The following RPA3 variants were observed in gnomAD, a reference collection of about 807,000 sequenced individuals.
RPA3 encodes replication protein A 14 kDa subunit.
In RPA3, 24 loss-of-function variants were observed where a neutral mutation model predicts 13.7. That is an observed-to-expected ratio of 1.75 (90% CI 1.27 to 2.46). The LOEUF (loss-of-function observed/expected upper bound fraction) is 2.46. Ranked by LOEUF, RPA3 falls within the 30% of genes most tolerant of loss-of-function variation. RPA3 has a pLI of 0.00. For missense variants in RPA3, 183 were observed against 151.0 expected, an observed-to-expected ratio of 1.21 and a Z score of -1.11; for synonymous variants, 59 against 51.2, an observed-to-expected ratio of 1.15 and a Z score of -0.65.
chr7:7,664,570 C>T (rs1329325141), intron 4 of RPA3, among the ~76,000 whole-genome samples: 1 of 152,184 alleles, frequency 6.6e-6, no homozygotes, highest in Non-Finnish European at 1.5e-5. Context: ...AATCTCTTTG[C>T]TTTCCTCTAT....
At chr7:7,670,353 C>G (rs1439651739) in intron 4 of RPA3, among the ~76,000 whole-genome samples, 1 of 151,962 alleles carries the variant, frequency 6.6e-6, no homozygotes, top group Non-Finnish European at 1.5e-5. Context: ...AAGGGTCTCT[C>G]TATATATACA....
Position 7,699,104 on chromosome 7 carries a change from C to T in RPA3, c.-1027-11776G>A, listed in dbSNP as rs1780393671. On this transcript the variant is annotated intron_variant, in intron 2 of 7. Transcript: ENST00000223129. Reference sequence around the variant, plus strand: ...GTTGCCCAGGCTGATCTTTGCCTGCCTTGGCTTCCAAAGTGCTAGCATTAT... The same window carrying T: ...GTTGCCCAGGCTGATCTTTGCCTGCTTTGGCTTCCAAAGTGCTAGCATTAT... 3.3e-5 allele frequency among the ~76,000 whole-genome samples: 5 copies of T among 151,776 alleles called. No homozygotes were observed. In the South Asian group the frequency reaches 1.0e-3, roughly 32 times the overall value.
chr7:7,643,310 G>C (rs752722449), intron 4 of RPA3, among the ~76,000 whole-genome samples: 5 of 152,182 alleles, frequency 3.3e-5, no homozygotes, highest in Non-Finnish European at 5.9e-5. Flanking sequence ...TCAGATGGGC[G>C]TGCATGTAAC....
At chr7:7,663,574 T>G (rs548526191) in intron 4 of RPA3, among the ~76,000 whole-genome samples, 2 of 152,206 alleles carry the variant, frequency 1.3e-5, no homozygotes, top group East Asian at 3.9e-4. Context: ...AAGGATAAAT[T>G]TTAAAAGAGG....
At chr7:7,652,206 C>T (rs1785238494) in intron 4 of RPA3, among the ~76,000 whole-genome samples, 1 of 152,172 alleles carries the variant, frequency 6.6e-6, no homozygotes, top group African/African-American at 2.4e-5. Context: ...TTTTACATTG[C>T]TCGTTTGCTC....
intron 4 of RPA3, among the ~76,000 whole-genome samples, chr7:7,654,736 C>G (rs182784616): frequency 1.1e-4 from 16 of 152,060 alleles, no homozygotes. Context: ...AACCCCATCT[C>G]TACTAAAAAA....
intron 2 of RPA3, among the ~76,000 whole-genome samples, chr7:7,695,542 T>C (rs945542888): frequency 2.0e-5 from 3 of 152,200 alleles, no homozygotes; most frequent in Non-Finnish European, 2.9e-5. Flanking sequence ...ATGTTTAGTC[T>C]CAGAGCAAGA....
intron 2 of RPA3, among the ~76,000 whole-genome samples, chr7:7,701,113 A>C (rs1411589317): frequency 6.6e-6 from 1 of 152,212 alleles, no homozygotes; most frequent in East Asian, 1.9e-4. Flanking sequence ...CATTTGGTTA[A>C]TATTCCAGTT....
intron 4 of RPA3, among the ~76,000 whole-genome samples, chr7:7,645,176 G>A (rs1785065630): frequency 6.6e-6 from 1 of 151,930 alleles, no homozygotes; most frequent in Non-Finnish European, 1.5e-5. Flanking sequence ...AATAATTATA[G>A]TTTTGTTTCT....
chr7:7,714,726 C>T (rs192529374), intron 2 of RPA3, among the ~76,000 whole-genome samples: 196 of 152,204 alleles, frequency 1.3e-3, no homozygotes, highest in African/African-American at 4.3e-3. Context: ...CAGCTGAAAA[C>T]CTTCCTGGGG....
intron 2 of RPA3, among the ~76,000 whole-genome samples, chr7:7,697,618 G>A (rs1200564928): frequency 6.6e-6 from 1 of 152,106 alleles, no homozygotes; most frequent in African/African-American, 2.4e-5. Flanking sequence ...TAACTTTAAA[G>A]ATATTTTTAT....
chr7:7,687,663 G>A (rs996886127), intron 2 of RPA3, among the ~76,000 whole-genome samples: 2 of 152,146 alleles, frequency 1.3e-5, no homozygotes, highest in African/African-American at 2.4e-5. Flanking sequence ...AACTCTGGTT[G>A]TCAGTTAAAT....
rs1416454846 is a variant in RPA3 at position 7,678,812 on chromosome 7, A to G, written c.-758+7018T>C. ...ATATTTAGTTTATAAATATATTTAT[A>G]TATTTAGTTTATAAACATATATTTA... On this transcript the variant is annotated intron_variant, in intron 4 of 7. Transcript: ENST00000223129. 4.5e-4 allele frequency among the ~76,000 whole-genome samples: 16 copies of G among 35,754 alleles called. 1 individual carries two copies. The highest frequency in any genetic ancestry group is 1.9e-3 in the African/African-American group (12 of 6,364). The allele number at this position is 35,754 out of a possible 152,430, so 23.5% of individuals were successfully genotyped here.
At chr7:7,709,490 G>T (rs1780694073) in intron 2 of RPA3, among the ~76,000 whole-genome samples, 1 of 152,222 alleles carries the variant, frequency 6.6e-6, no homozygotes, top group Non-Finnish European at 1.5e-5. Context: ...AGAAGGAACT[G>T]TGTGGAGAGA....
intron 2 of RPA3, among the ~76,000 whole-genome samples, chr7:7,704,939 A>C (rs938383055): frequency 6.6e-6 from 1 of 152,186 alleles, no homozygotes; most frequent in African/African-American, 2.4e-5. Context: ...AGTATTCATC[A>C]TCTGAATGAA....
chr7:7,683,587 T>G (rs1322825458), intron 4 of RPA3, among the ~76,000 whole-genome samples: 2 of 152,044 alleles, frequency 1.3e-5, no homozygotes, highest in Admixed American at 6.6e-5. Context: ...GCAGAAAGCT[T>G]CATACATGAT....
intron 2 of RPA3, among the ~76,000 whole-genome samples, chr7:7,714,304 T>C (rs1780837965): frequency 6.6e-6 from 1 of 152,256 alleles, no homozygotes; most frequent in Non-Finnish European, 1.5e-5. Flanking sequence ...GTTTATTCTC[T>C]GATGAGCAGA....
intron 4 of RPA3, among the ~76,000 whole-genome samples, chr7:7,671,013 G>A (rs558364241): frequency 2.6e-5 from 4 of 152,262 alleles, no homozygotes; most frequent in Non-Finnish European, 5.9e-5. Flanking sequence ...GGCTACAACG[G>A]AAATGGGCAC....
chr7:7,700,973 C>G (rs1780447350), intron 2 of RPA3, among the ~76,000 whole-genome samples: 1 of 152,082 alleles, frequency 6.6e-6, no homozygotes, highest in Admixed American at 6.6e-5. Flanking sequence ...TTGCTTGAGC[C>G]CAGGAGTTTG....
Sources: allele counts gnomAD v4.1 joint callset (sites outside exome capture counted in the v4.1 genomes callset), GRCh38; gene constraint gnomAD v4.1.1; transcripts MANE v1.5; gene names NCBI Gene and HGNC (gene_info 2026-07-23, HGNC 2026-07-21).